SH3TC1: variants seen among roughly 807,000 people sequenced by gnomAD.
SH3TC1 encodes the protein SH3 domain and tetratricopeptide repeats 1.
SH3TC1 carries 135 observed loss-of-function variants against 117.3 expected under a neutral mutation model. That is an observed-to-expected ratio of 1.15 (90% CI 1.00 to 1.33). SH3TC1 has a LOEUF of 1.33. Ranked by LOEUF, SH3TC1 falls within the 40% of genes most tolerant of loss-of-function variation. The pLI is 0.00. For missense variants in SH3TC1, 2,092 were observed against 1,794.3 expected (o/e 1.17, Z -3.00); for synonymous variants, 898 against 816.9 (o/e 1.10, Z -1.69).
rs147983754 is a variant in SH3TC1 at position 8,239,784 on chromosome 4, C to T, written c.3754-914C>T. Among the ~76,000 whole-genome samples, 24 of 152,352 alleles carry T rather than the reference C, an allele frequency of 1.6e-4. No individual in the cohort carries two copies. The East Asian group carries it at 4.2e-3, about 27-fold the overall frequency. ...GGGCTTGCCTCTGCCACAGCCCTGG[C>T]CACCCTGTGTGATCAGTGTTCACTC... On this transcript the variant is annotated intron_variant, in intron 17 of 17. Transcript: ENST00000245105.
intron 9 of SH3TC1, among the ~76,000 whole-genome samples, chr4:8,220,489 T>C (rs765295175): frequency 1.3e-5 from 2 of 152,188 alleles, no homozygotes; most frequent in Non-Finnish European, 2.9e-5. Context: ...AAGAATTCCC[T>C]GGTCACTTCT....
rs372782356 is a variant in SH3TC1 at position 8,240,951 on chromosome 4, G to T, written c.4007G>T (p.Arg1336Leu). 4.4e-6 allele frequency: 7 copies of T among 1,609,062 alleles called. No homozygotes were observed. Among genetic ancestry groups the T allele is most frequent in the Non-Finnish European group, 5.1e-6 (6 of 1,179,928 alleles). The change falls in exon 18 of 18, where the codon CGC becomes CTC. Residue 1336 changes from arginine (R) to leucine (L), a missense_variant. Transcript: ENST00000245105. ...WAPWLAPSHP[R>L] ...CCCTGGTTGGCCCCCAGCCACCCTC[G>T]CTGAGGACAGCATCCAAGGGAGTGG... is the stretch of plus-strand genomic sequence containing the variant.
At chr4:8,238,727 G>T (rs1722048662) in intron 17 of SH3TC1, among the ~76,000 whole-genome samples, 1 of 152,194 alleles carries the variant, frequency 6.6e-6, no homozygotes, top group African/African-American at 2.4e-5. Flanking sequence ...CACTGCTCAG[G>T]GGCTGGCCTG....
intron 7 of SH3TC1, among the ~76,000 whole-genome samples, chr4:8,217,855 G>C (rs1460704126): frequency 6.6e-6 from 1 of 152,248 alleles, no homozygotes; most frequent in African/African-American, 2.4e-5. Context: ...GAGGCTGAGA[G>C]AGGAGTGATC....
chr4:8,228,545 C>A lies in SH3TC1; in HGVS notation c.2851C>A (p.Gln951Lys), dbSNP rs929424777. The A allele has an allele frequency of 6.2e-7, 1 of 1,609,746 alleles. No homozygotes were observed. Residue 951 changes from glutamine to lysine, a missense_variant, in exon 12 of 18, where the codon CAG becomes AAG. Coordinates refer to ENST00000245105, the MANE Select transcript of SH3TC1 (RefSeq NM_018986.5). The part of the protein sequence containing the change: ...CGRDFTHVLL[Q>K]LGHLCTRQGP... ...CCGGGACTTCACCCACGTGCTCCTG[C>A]AGCTGGGCCATCTCTGCACCCGCCA...
chr4:8,239,165 G>A (rs1199541573), intron 17 of SH3TC1, among the ~76,000 whole-genome samples: 1 of 151,752 alleles, frequency 6.6e-6, no homozygotes, highest in Non-Finnish European at 1.5e-5. Context: ...TGGATTAGGT[G>A]TGTCCTGGCT....
In SH3TC1 at chr4:8,229,960, G is replaced by A. The variant is rs935613698; in HGVS notation, c.2950+1316G>A. ...CAGTCGAGGAGACCGGGGGCCAGGG[G>A]ACGAGGATCATGCTTCCCTGTCTCC... On this transcript the variant is annotated intron_variant, in intron 12 of 17. Coordinates refer to ENST00000245105, the MANE Select transcript of SH3TC1 (RefSeq NM_018986.5). Among the ~76,000 whole-genome samples the A allele has an allele frequency of 3.8e-4, 51 of 135,800 alleles. 4 individuals are homozygous for A. The highest frequency in any genetic ancestry group is 9.0e-4 in the South Asian group (4 of 4,430). 89.1% of individuals were successfully genotyped at this position (135,800 alleles called of 152,430 possible). A position where few individuals can be genotyped will look rare whatever the true frequency, so the allele number is the denominator to read the frequency against.
chr4:8,239,847 C>T (rs1445241220), intron 17 of SH3TC1, among the ~76,000 whole-genome samples: 2 of 152,236 alleles, frequency 1.3e-5, no homozygotes, highest in African/African-American at 4.8e-5. Context: ...TAGGCTCAGC[C>T]ATGCACCCGG....
chr4:8,233,267 C>T (rs1578742812), intron 13 of SH3TC1, 96 bp from the exon 14 acceptor site: 1 of 1,499,960 alleles, frequency 6.7e-7, no homozygotes, highest in East Asian at 2.3e-5. Flanking sequence ...GTTCCCAGTC[C>T]CATTCCAGAT....
intron 5 of SH3TC1, among the ~76,000 whole-genome samples, chr4:8,214,933 G>A (rs1002387004): frequency 6.6e-6 from 1 of 152,170 alleles, no homozygotes; most frequent in Non-Finnish European, 1.5e-5. Flanking sequence ...TGATCCGCCC[G>A]CCTTGCCCTC....
At position 8,232,577 on chromosome 4, in the gene SH3TC1, G is replaced by A. The variant is rs1173354574; in HGVS notation, c.3131+421G>A. The A allele has an allele frequency of 5.2e-6, 7 of 1,357,406 alleles. No homozygotes were observed. The South Asian group carries it at 6.8e-5, about 13-fold the overall frequency. The allele number at this position is 1,357,406 out of a possible 1,614,324, so 84.1% of individuals were successfully genotyped here. A position where few individuals can be genotyped will look rare whatever the true frequency, so the allele number is the denominator to read the frequency against. ...TGTGGCTTCTCTCCCACAGAAGACA[G>A]AGCCAGTTGTGTCACCTGCTTCCCT... On this transcript the variant is annotated intron_variant, in intron 13 of 17. Transcript: ENST00000245105.
chr4:8,236,363 C>A lies in SH3TC1; in HGVS notation c.3491C>A (p.Thr1164Lys), dbSNP rs146227399. The A allele has an allele frequency of 4.3e-5, 67 of 1,547,194 alleles. No homozygotes were observed. Among genetic ancestry groups the A allele is most frequent in the Non-Finnish European group, 5.4e-5 (62 of 1,145,438 alleles). Residue 1164 changes from threonine (T) to lysine (K), a missense_variant, in exon 16 of 18, where the codon ACG becomes AAG. Transcript: ENST00000245105. Reference protein sequence around the residue: ...LCNKLVALLATLEEPQEGLEF... With the variant: ...LCNKLVALLAKLEEPQEGLEF... ...AACAAGCTGGTGGCACTGCTGGCCA[C>A]GCTGGAGGAGCCCCAGGAGGGCTTG...
chr4:8,235,322 G>C, intron 14 of SH3TC1, 111 bp from the exon 15 acceptor site: 1 of 1,306,744 alleles, frequency 7.7e-7, no homozygotes, highest in Non-Finnish European at 9.9e-7. Context: ...AAAAGGCTCA[G>C]TTGCACCTGC....
In SH3TC1 at chr4:8,212,703, C is replaced by T; in HGVS notation, c.250C>T (p.Leu84=). 6.2e-7 allele frequency: 1 copy of T among 1,612,934 alleles called. No individual in the cohort carries two copies. Among genetic ancestry groups the T allele is most frequent in the Non-Finnish European group, 8.5e-7 (1 of 1,179,936 alleles). Reference sequence around the variant, plus strand: ...CCAACCTCCGTCTGCCCCTCCAGACCTGACCCTGCAGCTGCTGGCTGTGCG... The same window carrying T: ...CCAACCTCCGTCTGCCCCTCCAGACTTGACCCTGCAGCTGCTGGCTGTGCG... ...PCQMGVYPTD[L]TLQLLAVRRK... The change falls in exon 4 of 18, where the codon CTG becomes TTG. Residue 84 remains leucine (L), a splice_region_variant and synonymous_variant. Transcript: ENST00000245105.
At position 8,210,867 on chromosome 4, in the gene SH3TC1, C is replaced by T. The variant is rs1286612796; in HGVS notation, c.247+1045C>T. ...AGATTCCAGAAGTCTCCAGGTTGGC[C>T]CGGTTGGCCCTTCCCCCATAGGGGG... is the stretch of plus-strand genomic sequence containing the variant. On this transcript the variant is annotated intron_variant, in intron 3 of 17. Transcript: ENST00000245105. This position sits in a 1 kb window ranked among gnomAD's most constrained non-coding sequence, Gnocchi z 4.1. Among the ~76,000 whole-genome samples the T allele has an allele frequency of 6.6e-6, 1 of 151,546 alleles. No individual in the cohort carries two copies. The highest frequency in any genetic ancestry group is 2.4e-5 in the African/African-American group (1 of 41,058).
chr4:8,233,091 T>C, intron 13 of SH3TC1: 6 of 1,295,150 alleles, frequency 4.6e-6, no homozygotes, highest in East Asian at 3.5e-5. Context: ...ACACAGGCCA[T>C]GTCTGGGACG....
At chr4:8,237,136 T>C (rs3796754) in intron 16 of SH3TC1, 11,192 of 286,186 alleles carry the variant, frequency 0.039, 387 homozygotes, top group African/African-American at 0.11. Flanking sequence ...TTGGATGTCA[T>C]GTCTGTGGGT....
chr4:8,216,245 C>A lies in SH3TC1; in HGVS notation c.616C>A (p.Leu206Ile). Residue 206 changes from leucine (L) to isoleucine (I), a missense_variant, in exon 6 of 18, where the codon CTC becomes ATC. By Grantham distance (5) the Leu-to-Ile change is conservative (BLOSUM62 2). Transcript: ENST00000245105. The stretch of plus-strand genomic sequence containing the variant: ...CTTAAGGCTGACCCACGAGAGCCTC[C>A]TCATCCAAGAAGGTGAGCGTTGCAT... ...NALRLTHESLLIQEGPFFVLC... is the reference protein window; with the variant it reads ...NALRLTHESLIIQEGPFFVLC... 1.2e-6 allele frequency: 2 copies of A among 1,613,466 alleles called. No individual in the cohort carries two copies. The highest frequency in any genetic ancestry group is 1.3e-5 in the African/African-American group (1 of 75,048).
upstream of SH3TC1, among the ~76,000 whole-genome samples, chr4:8,198,070 G>A (rs1717619945): frequency 6.6e-6 from 1 of 152,074 alleles, no homozygotes; most frequent in South Asian, 2.1e-4. Flanking sequence ...GGAGGCCAGG[G>A]ACCAGCTAAA....
Sources: allele counts gnomAD v4.1 joint callset (sites outside exome capture counted in the v4.1 genomes callset), GRCh38; gene constraint gnomAD v4.1.1; non-coding constraint Gnocchi (gnomAD v3.1); transcripts MANE v1.5; gene names NCBI Gene and HGNC (gene_info 2026-07-23, HGNC 2026-07-21).